PRRG1: variants seen among roughly 807,000 people sequenced by gnomAD.
PRRG1 encodes the protein proline rich and Gla domain 1, also known as transmembrane gamma-carboxyglutamic acid protein 1.
In PRRG1, 5 loss-of-function variants were observed where a neutral mutation model predicts 11.8. The observed-to-expected ratio is 0.42, with a 90% confidence interval of 0.22 to 0.89. PRRG1 has a LOEUF of 0.89. Ranked by LOEUF, PRRG1 falls within the 40% of genes least tolerant of loss-of-function variation. The probability of loss-of-function intolerance (pLI) is 0.28; values close to 1 mark genes in which losing one functional copy is unlikely to be tolerated. For missense variants in PRRG1, 155 were observed against 166.1 expected (o/e 0.93, Z 0.37); for synonymous variants, 66 against 60.4 (o/e 1.09, Z -0.43).
Position 37,390,285 on chromosome X carries a change from C to T in PRRG1, c.-41-15924C>T, listed in dbSNP as rs576270421. On this transcript the variant is annotated intron_variant, in intron 1 of 3. Coordinates refer to ENST00000378628, the MANE Select transcript of PRRG1 (RefSeq NM_001142395.2). ...CACTGTCATATTAGGTATTAATTTC[C>T]AACATATGAATTTTGGAGGGACACC... 5.5e-4 allele frequency among the ~76,000 whole-genome samples: 61 copies of T among 111,306 alleles called. No homozygotes were observed. In the South Asian group the frequency reaches 0.019, roughly 35 times the overall value.
chrX:37,444,234 C>G (rs1242525887), intron 3 of PRRG1, among the ~76,000 whole-genome samples: 1 of 111,734 alleles, frequency 8.9e-6, no homozygotes, highest in Non-Finnish European at 1.9e-5. Flanking sequence ...GACTTTGTCT[C>G]AGATCATATA....
chrX:37,437,336 G>A (rs1932896933), intron 3 of PRRG1, among the ~76,000 whole-genome samples: 1 of 111,601 alleles, frequency 9.0e-6, no homozygotes, highest in Non-Finnish European at 1.9e-5. Context: ...GCCCATGCCA[G>A]CAGTATGTTA....
intron 2 of PRRG1, among the ~76,000 whole-genome samples, chrX:37,412,679 G>C (rs1932380292): frequency 9.2e-6 from 1 of 108,745 alleles, no homozygotes. Context: ...TTTTTTCTTG[G>C]CAAGTTTTTC....
intron 1 of PRRG1, among the ~76,000 whole-genome samples, chrX:37,355,242 G>A (rs782808805): frequency 9.0e-6 from 1 of 110,851 alleles, no homozygotes; most frequent in African/African-American, 3.3e-5. Flanking sequence ...TTCTTAATCT[G>A]GTGTGTGCAT....
chrX:37,403,750 A>G (rs1358221870), intron 1 of PRRG1: 1 of 751,703 alleles, frequency 1.3e-6, no homozygotes, highest in Admixed American at 8.9e-5. Flanking sequence ...CCGAATGGAA[A>G]GATCATTCCA....
At position 37,376,551 on chromosome X, in the gene PRRG1, GTATATA is replaced by G. The variant is rs542194109; in HGVS notation, c.-42+27172_-42+27177del. Among the ~76,000 whole-genome samples, 12 of 26,924 alleles carry G rather than the reference GTATATA, an allele frequency of 4.5e-4. 1 individual carries two copies. Among genetic ancestry groups the G allele is most frequent in the Admixed American group, 3.1e-3 (4 of 1,270 alleles). The allele number at this position is 26,924 out of a possible 115,157, so 23.4% of individuals were successfully genotyped here. On this transcript the variant is annotated intron_variant, in intron 1 of 3. Transcript: ENST00000378628. ...TCAGTGTTTAGTCAGAAATGTGAGT[GTATATA>G]TATATATATATATATGTGCTGAGGA...
At position 37,455,918 on chromosome X, in the gene PRRG1, T is replaced by A. The variant is rs1272235523; in HGVS notation, c.*2297T>A. The A allele has an allele frequency of 8.9e-6, 1 of 112,002 alleles. No individual in the cohort carries two copies. Among genetic ancestry groups the A allele is most frequent in the Non-Finnish European group, 1.9e-5 (1 of 53,224 alleles). 9.2% of individuals were successfully genotyped at this position (112,002 alleles called of 1,213,427 possible). ...AAAGTATGGCCAATGGACCCCTGGGTTCCTTGAGAGCCTTTCAGGGGGGAC... is the reference window on the plus strand; with the variant it reads ...AAAGTATGGCCAATGGACCCCTGGGATCCTTGAGAGCCTTTCAGGGGGGAC... On this transcript the variant is annotated 3_prime_UTR_variant, in exon 4 of 4. Transcript: ENST00000378628.
At chrX:37,396,852 G>T (rs1446333772) in intron 1 of PRRG1, among the ~76,000 whole-genome samples, 2 of 111,553 alleles carry the variant, frequency 1.8e-5, no homozygotes, top group African/African-American at 6.5e-5. Context: ...CTTGTAGGGG[G>T]CTGTTCTATG....
intron 1 of PRRG1, among the ~76,000 whole-genome samples, chrX:37,392,532 A>T (rs782306670): frequency 1.1e-3 from 123 of 107,778 alleles, no homozygotes; most frequent in African/African-American, 3.9e-3. Context: ...ATACAAAAAA[A>T]AAAAATAATA....
At chrX:37,438,727 A>G (rs1183218770) in intron 3 of PRRG1, among the ~76,000 whole-genome samples, 1 of 111,501 alleles carries the variant, frequency 9.0e-6, no homozygotes, top group Non-Finnish European at 1.9e-5. Flanking sequence ...GTGAGCCACC[A>G]TGCCCGGCCC....
chrX:37,414,065 T>C, intron 2 of PRRG1, among the ~76,000 whole-genome samples: 1 of 111,979 alleles, frequency 8.9e-6, no homozygotes, highest in South Asian at 3.7e-4. Context: ...CACCTAACGA[T>C]GCATTTCTCA....
At chrX:37,364,598 T>A (rs1348477917) in intron 1 of PRRG1, among the ~76,000 whole-genome samples, 1 of 111,774 alleles carries the variant, frequency 8.9e-6, no homozygotes, top group Non-Finnish European at 1.9e-5. Flanking sequence ...TGTGGATTTT[T>A]TCCCCATTCT....
intron 1 of PRRG1, among the ~76,000 whole-genome samples, chrX:37,402,935 A>G (rs1932053109): frequency 8.9e-6 from 1 of 111,817 alleles, no homozygotes; most frequent in South Asian, 3.8e-4. Context: ...ATGAGAAACC[A>G]TCTCACACCA....
chrX:37,362,331 G>A (rs782568356), intron 1 of PRRG1, among the ~76,000 whole-genome samples: 5 of 110,274 alleles, frequency 4.5e-5, no homozygotes, highest in African/African-American at 9.9e-5. Flanking sequence ...GCAAAGTTTT[G>A]AACAGTCCAC....
intron 1 of PRRG1, among the ~76,000 whole-genome samples, chrX:37,383,066 C>T (rs1931203803): frequency 9.0e-6 from 1 of 111,702 alleles, no homozygotes. Flanking sequence ...GTTAGTGTAA[C>T]CTAAGAACAT....
intron 3 of PRRG1, among the ~76,000 whole-genome samples, chrX:37,429,448 T>C (rs1257629608): frequency 1.8e-5 from 2 of 111,618 alleles, no homozygotes; most frequent in African/African-American, 6.5e-5. Flanking sequence ...CACAAATCTC[T>C]AGGGCGGGGC....
rs149417941 is a variant in PRRG1 at position 37,404,351 on chromosome X, C to G, written c.-41-1858C>G. Reference sequence around the variant, plus strand: ...CATGGATTATATTTTAGTATATTAACTTTCTTTTGGTATTTCCTGGAGTAA... The same window carrying G: ...CATGGATTATATTTTAGTATATTAAGTTTCTTTTGGTATTTCCTGGAGTAA... On this transcript the variant is annotated intron_variant, in intron 1 of 3. Coordinates refer to ENST00000378628, the MANE Select transcript of PRRG1 (RefSeq NM_001142395.2). 3.4e-3 allele frequency among the ~76,000 whole-genome samples: 378 copies of G among 111,381 alleles called. 2 individuals are homozygous for G. Among genetic ancestry groups the G allele is most frequent in the African/African-American group, 0.012 (356 of 30,718 alleles).
At chrX:37,392,879 C>G (rs1402111513) in intron 1 of PRRG1, among the ~76,000 whole-genome samples, 2 of 111,220 alleles carry the variant, frequency 1.8e-5, no homozygotes, top group Non-Finnish European at 3.8e-5. Flanking sequence ...CTATTTCTTC[C>G]CTCTAGATTG....
At chrX:37,368,876 A>G (rs1556370130) in intron 1 of PRRG1, among the ~76,000 whole-genome samples, 1 of 111,000 alleles carries the variant, frequency 9.0e-6, no homozygotes, top group East Asian at 2.8e-4. Context: ...ATACAGCCAT[A>G]GCTTTCATAG....
Sources: allele counts gnomAD v4.1 joint callset (sites outside exome capture counted in the v4.1 genomes callset), GRCh38; gene constraint gnomAD v4.1.1; transcripts MANE v1.5; gene names NCBI Gene and HGNC (gene_info 2026-07-23, HGNC 2026-07-21).